RTN4RL1: variants seen among roughly 807,000 people sequenced by gnomAD.
The protein encoded by RTN4RL1 is reticulon 4 receptor like 1, also known as reticulon-4 receptor-like 1.
In RTN4RL1, 7 loss-of-function variants were observed where a neutral mutation model predicts 25.6. That is an observed-to-expected ratio of 0.27 (90% CI 0.16 to 0.51). The LOEUF (loss-of-function observed/expected upper bound fraction) is 0.51, where lower values mean the gene tolerates loss of function less well. RTN4RL1 is among the 20% of genes least tolerant of loss of function. RTN4RL1 has a pLI of 0.97. For synonymous variants in RTN4RL1, 297 were observed against 288.2 expected, an observed-to-expected ratio of 1.03 and a Z score of -0.31; for missense variants, 500 against 615.6, an observed-to-expected ratio of 0.81 and a Z score of 1.99.
rs1000720824 is a variant in RTN4RL1, at chr17:1,935,947, C to G, written c.*549G>C. On this transcript the variant is annotated 3_prime_UTR_variant, in exon 2 of 2. Coordinates refer to ENST00000331238, the MANE Select transcript of RTN4RL1 (RefSeq NM_178568.4). ...GAGACATCAGGAATGAGAGGCGCTACCCCCGAGGGAGGGGCTGAAGGTGGA... is the reference window on the plus strand; with the variant it reads ...GAGACATCAGGAATGAGAGGCGCTAGCCCCGAGGGAGGGGCTGAAGGTGGA... The G allele has an allele frequency of 1.9e-5, 19 of 985,540 alleles. No individual in the cohort carries two copies. Among genetic ancestry groups the G allele is most frequent in the Non-Finnish European group, 2.2e-5 (18 of 829,984 alleles). The allele number at this position is 985,540 out of a possible 1,614,324, so 61.0% of individuals were successfully genotyped here. A position where few individuals can be genotyped will look rare whatever the true frequency, so the allele number is the denominator to read the frequency against.
chr17:1,946,711 G>A lies in RTN4RL1; in HGVS notation c.14-8903C>T, dbSNP rs531009205. Among the ~76,000 whole-genome samples the A allele has an allele frequency of 8.0e-5, 12 of 149,764 alleles. No individual in the cohort carries two copies. The East Asian group carries it at 2.4e-3, about 30-fold the overall frequency. ...GTGAATGTGTGTGTGCACGGGGTCT[G>A]TGTGTGTCTCTGTGTGAATATGTGT... On this transcript the variant is annotated intron_variant, in intron 1 of 1. Transcript: ENST00000331238.
intron 1 of RTN4RL1, among the ~76,000 whole-genome samples, chr17:2,013,559 T>C (rs115081130): frequency 0.035 from 5,147 of 148,312 alleles, 294 homozygotes; most frequent in African/African-American, 0.12. Flanking sequence ...TAAATACCCC[T>C]GCTCCCTCAC....
chr17:1,958,143 T>C (rs1267020570), intron 1 of RTN4RL1, among the ~76,000 whole-genome samples: 4 of 152,154 alleles, frequency 2.6e-5, no homozygotes, highest in Non-Finnish European at 5.9e-5. Context: ...TGGGTTGTGA[T>C]TGCACCACTG....
At chr17:2,002,442 G>A (rs573627287) in intron 1 of RTN4RL1, among the ~76,000 whole-genome samples, 3,426 of 149,262 alleles carry the variant, frequency 0.023, 126 homozygotes, top group African/African-American at 0.078. Flanking sequence ...ACAGGCGCCC[G>A]CCACCTCGCC....
At chr17:1,946,826 G>A (rs1195514154) in intron 1 of RTN4RL1, among the ~76,000 whole-genome samples, 4 of 144,830 alleles carry the variant, frequency 2.8e-5, no homozygotes, top group African/African-American at 7.8e-5. Context: ...GTGTGTGCAC[G>A]GGGTCTGTGT....
At chr17:1,956,929 G>A (rs1351400305) in intron 1 of RTN4RL1, among the ~76,000 whole-genome samples, 4 of 151,844 alleles carry the variant, frequency 2.6e-5, no homozygotes, top group African/African-American at 7.3e-5. Context: ...GAGTACAGAC[G>A]GGTTTTCACC....
chr17:1,976,950 G>GC (rs2066845028), intron 1 of RTN4RL1, among the ~76,000 whole-genome samples: 1 of 152,218 alleles, frequency 6.6e-6, no homozygotes, highest in South Asian at 2.1e-4. Context: ...CAGGTACAGT[G>GC]CTTAGCTAGT....
At chr17:1,939,278 G>A (rs1474214032) in intron 1 of RTN4RL1, among the ~76,000 whole-genome samples, 2 of 151,926 alleles carry the variant, frequency 1.3e-5, no homozygotes, top group Admixed American at 6.6e-5. Flanking sequence ...GCGTGAACCC[G>A]GGAGGTGGAG....
intron 1 of RTN4RL1, among the ~76,000 whole-genome samples, chr17:1,941,981 C>T (rs964448801): frequency 3.9e-5 from 6 of 152,176 alleles, no homozygotes; most frequent in Non-Finnish European, 8.8e-5. Context: ...GAAGTGAGGC[C>T]CGAGCCTTGG....
intron 1 of RTN4RL1, among the ~76,000 whole-genome samples, chr17:1,977,649 G>A (rs1033678629): frequency 6.6e-6 from 1 of 152,130 alleles, no homozygotes; most frequent in African/African-American, 2.4e-5. Flanking sequence ...AGTGGGGGCG[G>A]GAGGAGGTCC....
intron 1 of RTN4RL1, among the ~76,000 whole-genome samples, chr17:2,010,980 G>A (rs943208808): frequency 3.9e-5 from 6 of 152,152 alleles, no homozygotes; most frequent in Admixed American, 2.0e-4. Context: ...GGCCGGGCGC[G>A]GTAGCTCACA....
At chr17:1,967,274 ACT>A (rs962540032) in intron 1 of RTN4RL1, among the ~76,000 whole-genome samples, 3 of 151,042 alleles carry the variant, frequency 2.0e-5, no homozygotes, top group African/African-American at 7.3e-5. Flanking sequence ...CAAACAAAAC[ACT>A]GTGTGGGCCA....
At chr17:2,022,471 G>A (rs1307427457) in intron 1 of RTN4RL1, among the ~76,000 whole-genome samples, 1 of 152,136 alleles carries the variant, frequency 6.6e-6, no homozygotes, top group Non-Finnish European at 1.5e-5. Flanking sequence ...ATTTTCGCTT[G>A]GAAACTTTGG....
intron 1 of RTN4RL1, among the ~76,000 whole-genome samples, chr17:2,022,988 G>A (rs1414979602): frequency 7.2e-5 from 11 of 152,244 alleles, no homozygotes; most frequent in Non-Finnish European, 1.2e-4. Flanking sequence ...GGGAGAGAAA[G>A]GCTCTTGGAG....
intron 1 of RTN4RL1, among the ~76,000 whole-genome samples, chr17:1,958,273 T>C (rs1300629424): frequency 6.6e-6 from 1 of 152,162 alleles, no homozygotes; most frequent in Non-Finnish European, 1.5e-5. Flanking sequence ...TGCCGTGGCA[T>C]CCGACCGTGG....
intron 1 of RTN4RL1, among the ~76,000 whole-genome samples, chr17:1,953,200 GGT>G (rs1224886942): frequency 1.3e-5 from 2 of 151,946 alleles, no homozygotes; most frequent in South Asian, 2.1e-4. Context: ...TTGAGCCCAG[GGT>G]TTGAGACCAA....
intron 1 of RTN4RL1, among the ~76,000 whole-genome samples, chr17:1,945,311 C>G (rs996237700): frequency 2.0e-5 from 3 of 152,222 alleles, no homozygotes; most frequent in African/African-American, 7.2e-5. Flanking sequence ...TAACCTCCAC[C>G]TCCCGGGTTC....
intron 1 of RTN4RL1, among the ~76,000 whole-genome samples, chr17:1,950,526 G>T (rs118110773): frequency 0.025 from 3,867 of 152,162 alleles, 79 homozygotes; most frequent in Non-Finnish European, 0.04. Flanking sequence ...ACACTCAAGA[G>T]CTGTCGGCAC....
rs61209329 is a variant in RTN4RL1 at position 2,005,739 on chromosome 17, TTCTCTCTCTCTC to T, written c.13+19102_13+19113del. Among the ~76,000 whole-genome samples the T allele has an allele frequency of 8.3e-5, 12 of 145,128 alleles. No individual in the cohort carries two copies. In the South Asian group the frequency reaches 8.9e-4, roughly 11 times the overall value. ...AGAGCAAGACCATCTCTCTCTCTCT[TTCTCTCTCTCTC>T]TCTCTCTCTCTCTCCTTCTCTTTCT... is the stretch of plus-strand genomic sequence containing the variant. On this transcript the variant is annotated intron_variant, in intron 1 of 1. Transcript: ENST00000331238.
Sources: gnomAD v4.1 joint callset for allele counts (sites outside exome capture counted in the v4.1 genomes callset) on GRCh38, gnomAD v4.1.1 for gene constraint, MANE v1.5 for transcripts, NCBI Gene and HGNC (gene_info 2026-07-23, HGNC 2026-07-21) for gene names.